ZMYM1: variants seen among roughly 807,000 people sequenced by gnomAD.
The protein encoded by ZMYM1 is zinc finger MYM-type protein 1.
ZMYM1 carries 39 observed loss-of-function variants against 60.0 expected under a neutral mutation model. The ratio of observed to expected loss-of-function variants is 0.65; its 90% confidence interval spans 0.50 to 0.85. The LOEUF (loss-of-function observed/expected upper bound fraction) is 0.85, where lower values mean the gene tolerates loss of function less well. Among genes scored for constraint, ZMYM1 ranks in the 40% least tolerant of loss-of-function variants. The pLI is 0.00. For missense variants in ZMYM1, 1,171 were observed against 1,309.5 expected, an observed-to-expected ratio of 0.89 and a Z score of 1.63; for synonymous variants, 413 against 454.0, an observed-to-expected ratio of 0.91 and a Z score of 1.15.
At chr1:35,068,638 G>A (rs1339037737) in intron 1 of ZMYM1, among the ~76,000 whole-genome samples, 4 of 134,150 alleles carry the variant, frequency 3.0e-5, no homozygotes, top group African/African-American at 5.9e-5. Context: ...AAATCCATAC[G>A]CAAAAAAAAA....
At chr1:35,080,948 ATT>A (rs5773495) in intron 1 of ZMYM1, among the ~76,000 whole-genome samples, 21 of 150,096 alleles carry the variant, frequency 1.4e-4, no homozygotes, top group Non-Finnish European at 2.5e-4. Flanking sequence ...GAATAAAATA[ATT>A]TTTTTTTTTT....
chr1:35,112,645 A>G (rs868725522), intron 9 of ZMYM1, among the ~76,000 whole-genome samples: 4 of 147,846 alleles, frequency 2.7e-5, no homozygotes, highest in Middle Eastern at 7.2e-3. Flanking sequence ...ATGTATTCAT[A>G]TATGGGGTGT....
intron 1 of ZMYM1, among the ~76,000 whole-genome samples, chr1:35,073,826 C>T (rs58610241): frequency 0.023 from 3,493 of 152,122 alleles, 162 homozygotes; most frequent in African/African-American, 0.08. Flanking sequence ...TGTTGTTTGT[C>T]GCTCTGTCCC....
At position 35,114,794 on chromosome 1, in the gene ZMYM1, T is replaced by C; in HGVS notation, c.2964T>C (p.Tyr988=). 1 of 1,605,720 alleles carries C rather than the reference T, an allele frequency of 6.2e-7. No homozygotes were observed. ...NLKLCFSEFD[Y]CKIKQISELL... is the part of the protein sequence containing the mutation. ...AGTTATGTTTTTCGGAGTTTGATTA[T>C]TGCAAAATAAAGCAAATTTCAGAAC... Residue 988 remains tyrosine (Y), a synonymous_variant, in exon 10 of 10, where the codon TAT becomes TAC. Coordinates refer to ENST00000359858, the MANE Select transcript of ZMYM1 (RefSeq NM_024772.5).
chr1:35,077,314 TCTAA>T (rs2148481916), upstream of ZMYM1, among the ~76,000 whole-genome samples: 1 of 152,286 alleles, frequency 6.6e-6, no homozygotes, highest in Non-Finnish European at 1.5e-5. Context: ...CCATCTTGGT[TCTAA>T]CTTTAAACTG....
intron 1 of ZMYM1, among the ~76,000 whole-genome samples, chr1:35,065,954 G>C (rs1446075023): frequency 6.6e-6 from 1 of 152,080 alleles, no homozygotes; most frequent in African/African-American, 2.4e-5. Flanking sequence ...TGGACCAAGA[G>C]TTCAGAAAAC....
intron 1 of ZMYM1, among the ~76,000 whole-genome samples, chr1:35,088,454 A>ATATATATATGTGTGTG (rs1464546786): frequency 5.6e-5 from 6 of 107,252 alleles, no homozygotes; most frequent in African/African-American, 2.1e-4. Context: ...ATATATATAT[A>ATATATATATGTGTGTG]TGTGTGTGTG....
intron 1 of ZMYM1, among the ~76,000 whole-genome samples, chr1:35,082,335 C>CTT (rs747752622): frequency 7.0e-6 from 1 of 143,744 alleles, no homozygotes. Flanking sequence ...TCCTTTCCAA[C>CTT]TTTTTTTTTT....
intron 1 of ZMYM1, among the ~76,000 whole-genome samples, chr1:35,088,454 A>G (rs866468589): frequency 0.015 from 1,560 of 107,198 alleles, 45 homozygotes; most frequent in African/African-American, 0.053. Context: ...ATATATATAT[A>G]TGTGTGTGTG....
chr1:35,100,513 A>G (rs1643586787), intron 4 of ZMYM1, among the ~76,000 whole-genome samples: 1 of 151,670 alleles, frequency 6.6e-6, no homozygotes. Context: ...ACCCAGCTAC[A>G]CCAGTGACTG....
intron 1 of ZMYM1, among the ~76,000 whole-genome samples, chr1:35,081,796 A>G (rs1295861490): frequency 2.0e-5 from 3 of 152,044 alleles, no homozygotes; most frequent in African/African-American, 7.2e-5. Context: ...CCCAGGTTCA[A>G]GTGATTCTCC....
At chr1:35,094,130 T>G (rs1227675130) in intron 2 of ZMYM1, 47 bp downstream of exon 2, 1 of 1,522,052 alleles carries the variant, frequency 6.6e-7, no homozygotes, top group African/African-American at 1.4e-5. Context: ...AGCATTTAAC[T>G]ATAAATTTTA....
chr1:35,095,945 T>G, intron 3 of ZMYM1, 54 bp downstream of exon 3: 1 of 1,307,276 alleles, frequency 7.6e-7, no homozygotes, highest in Non-Finnish European at 1.1e-6. Context: ...CGACAGCTGA[T>G]TCATTCTTTT....
intron 4 of ZMYM1, among the ~76,000 whole-genome samples, chr1:35,101,416 A>G (rs1031559197): frequency 9.5e-5 from 14 of 147,132 alleles, no homozygotes; most frequent in Middle Eastern, 3.6e-3. Flanking sequence ...TCATTTTTCA[A>G]TTTTTTATAA....
rs1642464246 is a variant in ZMYM1 at position 35,082,885 on chromosome 1, G to A, written c.-75+3443G>A. On this transcript the variant is annotated intron_variant, in intron 1 of 9. Transcript: ENST00000359858. ...AATCCTAGCTACTCAGGAGGCTGAG[G>A]CAGGAGAATCACTTGAACCCGGGAG... Among the ~76,000 whole-genome samples the A allele has an allele frequency of 2.0e-5, 3 of 151,880 alleles. No individual in the cohort carries two copies. The South Asian group carries it at 6.2e-4, about 32-fold the overall frequency.
chr1:35,063,698 A>C (rs1641916387), intron 1 of ZMYM1, among the ~76,000 whole-genome samples: 1 of 152,204 alleles, frequency 6.6e-6, no homozygotes, highest in African/African-American at 2.4e-5. Flanking sequence ...CAAAAAGATA[A>C]GGAAATAGGG....
At chr1:35,060,226 A>G (rs984361474) in intron 1 of ZMYM1, among the ~76,000 whole-genome samples, 7 of 151,360 alleles carry the variant, frequency 4.6e-5, no homozygotes, top group African/African-American at 1.7e-4. Flanking sequence ...CTAGAATGCA[A>G]TAGCGCAATC....
At chr1:35,061,152 G>T (rs1420249532) in intron 1 of ZMYM1, among the ~76,000 whole-genome samples, 1 of 152,212 alleles carries the variant, frequency 6.6e-6, no homozygotes, top group Non-Finnish European at 1.5e-5. Context: ...CACTAGTCAT[G>T]GATTCTTAGA....
chr1:35,095,805 T>G lies in ZMYM1; in HGVS notation c.97-14T>G. ...ATTCACTATTTTTAATTATTATTTTTTTTTTCTTTTTAGGAGTATTGTCAT... is the reference window on the plus strand; with the variant it reads ...ATTCACTATTTTTAATTATTATTTTGTTTTTCTTTTTAGGAGTATTGTCAT... On this transcript the variant is annotated splice_polypyrimidine_tract_variant and intron_variant, in intron 2 of 9. Transcript: ENST00000359858. The G allele has an allele frequency of 6.5e-7, 1 of 1,550,252 alleles. No homozygotes were observed. The highest frequency in any genetic ancestry group is 8.7e-7 in the Non-Finnish European group (1 of 1,144,064).
Sources: allele counts gnomAD v4.1 joint callset (sites outside exome capture counted in the v4.1 genomes callset), GRCh38; gene constraint gnomAD v4.1.1; transcripts MANE v1.5; gene names NCBI Gene and HGNC (gene_info 2026-07-23, HGNC 2026-07-21).